Variants in CD8B2 observed in about 807,000 individuals in gnomAD.
CD8B2 encodes the protein T-cell surface glycoprotein CD8 beta-2 chain.
Under a neutral mutation model 23.7 loss-of-function variants are expected in CD8B2, and 11 were observed. The ratio of observed to expected loss-of-function variants is 0.46; its 90% CI spans 0.29 to 0.77. The LOEUF (loss-of-function observed/expected upper bound fraction) is 0.77, where lower values mean the gene tolerates loss of function less well. Ranked by LOEUF, CD8B2 falls within the 30% of genes least tolerant of loss-of-function variation. CD8B2 has a pLI of 0.09. For missense variants in CD8B2, 197 were observed against 270.5 expected (o/e 0.73, Z 1.91); for synonymous variants, 90 against 109.3 (o/e 0.82, Z 1.10).
At chr2:106,520,271 A>G (rs1396262815) in intron 5 of CD8B2, among the ~76,000 whole-genome samples, 1 of 152,260 alleles carries the variant, frequency 6.6e-6, no homozygotes, top group African/African-American at 2.4e-5. Context: ...ATTTGAAAAC[A>G]TGAGGAAACA....
At chr2:106,539,003 G>C (rs924481259) in intron 5 of CD8B2, among the ~76,000 whole-genome samples, 1 of 152,222 alleles carries the variant, frequency 6.6e-6, no homozygotes, top group Non-Finnish European at 1.5e-5. Flanking sequence ...CTTCAGAGCC[G>C]GGTTCTTGCA....
At chr2:106,504,858 A>G (rs113904861) in intron 5 of CD8B2, among the ~76,000 whole-genome samples, 4,926 of 152,170 alleles carry the variant, frequency 0.032, 97 homozygotes, top group African/African-American at 0.041. Flanking sequence ...ATCAGTGGAG[A>G]GACTACTGGA....
Position 106,542,776 on chromosome 2 carries a change from A to C in CD8B2, c.621-1216A>C, listed in dbSNP as rs886140753. 4.0e-5 allele frequency among the ~76,000 whole-genome samples: 6 copies of C among 150,618 alleles called. No homozygotes were observed. The South Asian group carries it at 1.3e-3, about 31-fold the overall frequency. On this transcript the variant is annotated intron_variant, in intron 5 of 5. Transcript: ENST00000416057. ...CATACTATATATGAAGTATAAATAA[A>C]TATAAAAGTATATACATTTTACATA... is the stretch of plus-strand genomic sequence containing the variant.
At chr2:106,497,731 G>C (rs1373440716) in intron 3 of CD8B2, among the ~76,000 whole-genome samples, 2 of 152,202 alleles carry the variant, frequency 1.3e-5, no homozygotes, top group African/African-American at 4.8e-5. Flanking sequence ...CCAATGTACA[G>C]AAGAGTAAAG....
intron 2 of CD8B2, among the ~76,000 whole-genome samples, chr2:106,491,722 T>G (rs1033845388): frequency 6.6e-6 from 1 of 152,108 alleles, no homozygotes; most frequent in Non-Finnish European, 1.5e-5. Context: ...TAATTTTTTG[T>G]ATTTTTAGTG....
rs543377927 is a variant in CD8B2 at position 106,529,838 on chromosome 2, A to G, written c.621-14154A>G. On this transcript the variant is annotated intron_variant, in intron 5 of 5. Coordinates refer to the CD8B2 transcript ENST00000416057. ...TCACTGAGGGAGCTCTGTCTTTGCC[A>G]TCACACAGGGCAAGCAGCGATGAGG... Among the ~76,000 whole-genome samples, 3 of 152,340 alleles carry G rather than the reference A, an allele frequency of 2.0e-5. No homozygotes were observed. The South Asian group carries it at 6.2e-4, about 32-fold the overall frequency.
intron 3 of CD8B2, among the ~76,000 whole-genome samples, chr2:106,501,559 G>A (rs932267160): frequency 1.3e-5 from 2 of 152,182 alleles, no homozygotes; most frequent in Non-Finnish European, 2.9e-5. Flanking sequence ...GCGGACGCCT[G>A]TAATCCCAGC....
At chr2:106,496,150 T>A (rs575908896) in intron 2 of CD8B2, 23 bp from the exon 3 acceptor site, 5 of 1,546,132 alleles carry the variant, frequency 3.2e-6, no homozygotes, top group African/African-American at 1.4e-5. Flanking sequence ...GGCTAAGATA[T>A]GTGTCTTGCT....
At chr2:106,522,571 A>C (rs1440955974) in intron 5 of CD8B2, among the ~76,000 whole-genome samples, 4 of 152,126 alleles carry the variant, frequency 2.6e-5, no homozygotes, top group Non-Finnish European at 5.9e-5. Context: ...GTGCTGGTAA[A>C]GTCAGGTCTG....
chr2:106,541,151 G>A (rs1028643080), intron 5 of CD8B2, among the ~76,000 whole-genome samples: 3 of 152,118 alleles, frequency 2.0e-5, no homozygotes, highest in African/African-American at 7.2e-5. Flanking sequence ...GTGGCACGCT[G>A]GCTGTGTGAC....
chr2:106,530,364 T>A (rs2104573018), intron 5 of CD8B2, among the ~76,000 whole-genome samples: 1 of 152,196 alleles, frequency 6.6e-6, no homozygotes. Context: ...GTGAGAAGCG[T>A]GTGAACCAGG....
intron 5 of CD8B2, 40 bp downstream of exon 5, chr2:106,504,365 C>T (rs1266398291): frequency 5.1e-6 from 8 of 1,554,676 alleles, no homozygotes; most frequent in Non-Finnish European, 7.0e-6. Flanking sequence ...GTTCCTCAGC[C>T]CCTGCTGCAG....
rs1473711173 is a variant in CD8B2 at position 106,506,791 on chromosome 2, A to G, written c.621-137A>G. On this transcript the variant is annotated intron_variant, in intron 5 of 5. Coordinates refer to ENST00000643224, the MANE Select transcript of CD8B2 (RefSeq NM_001349727.2). ...AATGACTAAGATGGGCCCTAGAAACATACTAACAAAAAACTCTCGGCCCCA... is the reference window on the plus strand; with the variant it reads ...AATGACTAAGATGGGCCCTAGAAACGTACTAACAAAAAACTCTCGGCCCCA... 48 of 1,135,366 alleles carry G rather than the reference A, an allele frequency of 4.2e-5. No individual in the cohort carries two copies. The East Asian group carries it at 1.2e-3, about 29-fold the overall frequency. 70.3% of individuals were successfully genotyped at this position (1,135,366 alleles called of 1,614,324 possible). A position where few individuals can be genotyped will look rare whatever the true frequency, so the allele number is the denominator to read the frequency against.
intron 5 of CD8B2, among the ~76,000 whole-genome samples, chr2:106,505,953 G>T (rs1276225899): frequency 6.6e-6 from 1 of 152,144 alleles, no homozygotes; most frequent in Non-Finnish European, 1.5e-5. Context: ...CCAACATGGT[G>T]AAACCCCATC....
At chr2:106,529,912 T>C (rs1281785359) in intron 5 of CD8B2, among the ~76,000 whole-genome samples, 2 of 152,220 alleles carry the variant, frequency 1.3e-5, no homozygotes, top group African/African-American at 4.8e-5. Flanking sequence ...ACTGCAGGTG[T>C]AGCAGTCAAA....
At chr2:106,493,743 C>T (rs1166716856) in intron 2 of CD8B2, among the ~76,000 whole-genome samples, 1 of 152,180 alleles carries the variant, frequency 6.6e-6, no homozygotes, top group Non-Finnish European at 1.5e-5. Context: ...GGTAGTGTGG[C>T]AGAGCGAGAA....
rs1168561975 is a variant in CD8B2 at position 106,487,426 on chromosome 2, G to A, written c.-1G>A. On this transcript the variant is annotated 5_prime_UTR_variant, in exon 1 of 6. Transcript: ENST00000643224. Reference sequence around the variant, plus strand: ...GGGCCAGGTGTCCCGGGCGCGCCCCGATGCGGCCGCGGCTGTGGCTCCTCC... The same window carrying A: ...GGGCCAGGTGTCCCGGGCGCGCCCCAATGCGGCCGCGGCTGTGGCTCCTCC... The A allele has an allele frequency of 3.2e-6, 4 of 1,244,488 alleles. No homozygotes were observed. The highest frequency in any genetic ancestry group is 3.1e-5 in the African/African-American group (2 of 64,266). The allele number at this position is 1,244,488 out of a possible 1,614,324, so 77.1% of individuals were successfully genotyped here. A position where few individuals can be genotyped will look rare whatever the true frequency, so the allele number is the denominator to read the frequency against.
At chr2:106,515,016 G>T (rs1415242696), downstream of CD8B2, among the ~76,000 whole-genome samples, 1 of 152,220 alleles carries the variant, frequency 6.6e-6, no homozygotes, top group Non-Finnish European at 1.5e-5. Context: ...ATAATCGAGC[G>T]CTACAGCTTT....
At chr2:106,511,827 C>T (rs1204936071), downstream of CD8B2, among the ~76,000 whole-genome samples, 1 of 152,200 alleles carries the variant, frequency 6.6e-6, no homozygotes, top group Non-Finnish European at 1.5e-5. Flanking sequence ...TTACATAACT[C>T]AAACAGAAGG....
Sources: allele counts gnomAD v4.1 joint callset (sites outside exome capture counted in the v4.1 genomes callset), GRCh38; gene constraint gnomAD v4.1.1; transcripts MANE v1.5; gene names NCBI Gene and HGNC (gene_info 2026-07-23, HGNC 2026-07-21).